The following SNX25 variants were observed in gnomAD, a reference collection of about 807,000 sequenced individuals.
The protein encoded by SNX25 is sorting nexin-25.
A neutral mutation model predicts 113.7 loss-of-function variants in SNX25; 62 were observed. The observed-to-expected ratio is 0.55, with a 90% CI of 0.44 to 0.67. The LOEUF is 0.67. Among genes scored for constraint, SNX25 ranks in the 30% least tolerant of loss-of-function variants. The pLI is 0.00. For missense variants in SNX25, 1,014 were observed against 1,161.0 expected (o/e 0.87, Z 1.84); for synonymous variants, 421 against 436.2 (o/e 0.97, Z 0.43).
intron 18 of SNX25, among the ~76,000 whole-genome samples, chr4:185,362,996 C>T (rs964548729): frequency 3.3e-5 from 5 of 152,118 alleles, no homozygotes; most frequent in Admixed American, 6.6e-5. Context: ...GCATGCACTA[C>T]CATGCCCAGC....
At position 185,213,509 on chromosome 4, in the gene SNX25, G is replaced by A. The variant is rs145526224; in HGVS notation, c.429+3254G>A. 3.3e-5 allele frequency among the ~76,000 whole-genome samples: 5 copies of A among 152,306 alleles called. No individual in the cohort carries two copies. The East Asian group carries it at 7.7e-4, about 23-fold the overall frequency. Reference sequence around the variant, plus strand: ...GACTCTTGTTACAGGTGAGCAGAGCGGAGCGGAACTGTGATGCTCTAGGGC... The same window carrying A: ...GACTCTTGTTACAGGTGAGCAGAGCAGAGCGGAACTGTGATGCTCTAGGGC... On this transcript the variant is annotated intron_variant, in intron 1 of 18. Transcript: ENST00000652585.
chr4:185,377,876 T>C, the SNX25 span: 1 of 503,660 alleles, frequency 2.0e-6, no homozygotes, highest in Non-Finnish European at 3.5e-6. Context: ...AATCAAGACC[T>C]AACTATCTGT....
chr4:185,362,316 TTG>T (rs1460607127), intron 17 of SNX25: 1 of 985,260 alleles, frequency 1.0e-6, no homozygotes, highest in East Asian at 1.1e-4. Context: ...ATAATAAACT[TTG>T]TGTTTTGGAA....
chr4:185,239,833 G>A (rs1268300501), intron 1 of SNX25, among the ~76,000 whole-genome samples: 1 of 145,740 alleles, frequency 6.9e-6, no homozygotes, highest in Non-Finnish European at 1.5e-5. Flanking sequence ...GATTTGGCAG[G>A]GTCACAGGAC....
chr4:185,276,025 G>A (rs1749622975), intron 5 of SNX25, among the ~76,000 whole-genome samples: 1 of 152,122 alleles, frequency 6.6e-6, no homozygotes, highest in African/African-American at 2.4e-5. Context: ...CTGAGAAATA[G>A]CAGAGGGCAC....
chr4:185,216,512 G>GTTT (rs1560894560), intron 1 of SNX25, among the ~76,000 whole-genome samples: 1 of 117,856 alleles, frequency 8.5e-6, no homozygotes, highest in African/African-American at 2.9e-5. Context: ...GTGTGTATTT[G>GTTT]GTTTTTTTTT....
intron 1 of SNX25, among the ~76,000 whole-genome samples, chr4:185,236,063 CGGTTTCCG>C (rs1742580429): frequency 6.6e-6 from 1 of 152,178 alleles, no homozygotes; most frequent in African/African-American, 2.4e-5. Context: ...GATCTAAGGT[CGGTTTCCG>C]GGCAACATAA....
chr4:185,261,959 T>C (rs920139809), intron 3 of SNX25, among the ~76,000 whole-genome samples: 1 of 152,232 alleles, frequency 6.6e-6, no homozygotes, highest in Non-Finnish European at 1.5e-5. Context: ...TAGCATCTTA[T>C]ACAAACCATA....
chr4:185,223,500 G>A (rs1740326914), intron 1 of SNX25, among the ~76,000 whole-genome samples: 1 of 152,162 alleles, frequency 6.6e-6, no homozygotes, highest in African/African-American at 2.4e-5. Flanking sequence ...GGCTAGTGGT[G>A]TGCTCTTAGA....
At position 185,362,730 on chromosome 4, in the gene SNX25, AG is replaced by A. The variant is rs763755033; in HGVS notation, c.2934+24del. 18 of 1,590,134 alleles carry A rather than the reference AG, an allele frequency of 1.1e-5. No individual in the cohort carries two copies. Among genetic ancestry groups the A allele is most frequent in the South Asian group, 7.8e-5 (7 of 89,430 alleles). ...GTTATATGTGAGTAAATTAAAGCCC[AG>A]GGGGTTTCCTGCTTTATTTTTGTCT... On this transcript the variant is annotated intron_variant, in intron 18 of 18. Coordinates refer to ENST00000652585, the MANE Select transcript of SNX25 (RefSeq NM_001378034.2).
At chr4:185,241,070 CGGGGT>C (rs919019592) in intron 1 of SNX25, among the ~76,000 whole-genome samples, 1 of 150,944 alleles carries the variant, frequency 6.6e-6, no homozygotes, top group Non-Finnish European at 1.5e-5. Flanking sequence ...ACTTCCCAGA[CGGGGT>C]GGCGGCCGGG....
At chr4:185,322,344 T>C (rs1432365993) in intron 8 of SNX25, among the ~76,000 whole-genome samples, 1 of 152,016 alleles carries the variant, frequency 6.6e-6, no homozygotes, top group Non-Finnish European at 1.5e-5. Flanking sequence ...GGCAAGAGAA[T>C]TGCTTGAACC....
At chr4:185,235,863 G>T (rs938213603) in intron 1 of SNX25, among the ~76,000 whole-genome samples, 1 of 152,232 alleles carries the variant, frequency 6.6e-6, no homozygotes, top group African/African-American at 2.4e-5. Context: ...AGCAAGGGAT[G>T]AAAGGAATAT....
intron 2 of SNX25, among the ~76,000 whole-genome samples, chr4:185,252,139 C>T (rs1208838806): frequency 6.6e-6 from 1 of 152,026 alleles, no homozygotes; most frequent in Non-Finnish European, 1.5e-5. Flanking sequence ...ATGCATTTGG[C>T]AGTAGTTCTT....
At chr4:185,339,073 TATTA>T (rs2095246920) in intron 10 of SNX25, among the ~76,000 whole-genome samples, 1 of 152,222 alleles carries the variant, frequency 6.6e-6, no homozygotes. Context: ...CTGACAGCAA[TATTA>T]ATTCTTCCAA....
chr4:185,218,167 C>T (rs1739185760), intron 1 of SNX25, among the ~76,000 whole-genome samples: 3 of 152,322 alleles, frequency 2.0e-5, no homozygotes, highest in Non-Finnish European at 4.4e-5. Flanking sequence ...TCACTGCAAC[C>T]TCTGCCTCCC....
chr4:185,371,173 G>C (rs1252530527), downstream of SNX25: 1 of 178,230 alleles, frequency 5.6e-6, no homozygotes, highest in African/African-American at 2.3e-5. Flanking sequence ...ATCACGTATG[G>C]AAACATCAAC....
intron 1 of SNX25, among the ~76,000 whole-genome samples, chr4:185,246,474 T>C (rs1744881923): frequency 6.6e-6 from 1 of 152,216 alleles, no homozygotes; most frequent in Non-Finnish European, 1.5e-5. Context: ...TTTGCATTCC[T>C]CTAATAAAAA....
At chr4:185,309,870 T>G (rs1021283078) in intron 6 of SNX25, among the ~76,000 whole-genome samples, 1 of 152,240 alleles carries the variant, frequency 6.6e-6, no homozygotes, top group African/African-American at 2.4e-5. Flanking sequence ...CTCAGTACTT[T>G]TGGGCTAGAG....
Sources: gnomAD v4.1 joint callset for allele counts (sites outside exome capture counted in the v4.1 genomes callset) on GRCh38, gnomAD v4.1.1 for gene constraint, MANE v1.5 for transcripts, NCBI Gene and HGNC (gene_info 2026-07-23, HGNC 2026-07-21) for gene names.